WDPCP: variants seen among roughly 807,000 people sequenced by gnomAD.
The protein encoded by WDPCP is WD repeat-containing and planar cell polarity effector protein fritz homolog.
In WDPCP, 71 loss-of-function variants were observed where a neutral mutation model predicts 93.1. That is an observed-to-expected ratio of 0.76 (90% CI 0.63 to 0.93). The LOEUF (loss-of-function observed/expected upper bound fraction) is 0.93. Ranked by LOEUF, WDPCP falls within the 40% of genes least tolerant of loss-of-function variation. WDPCP has a pLI of 0.00. For missense variants in WDPCP, 844 were observed against 887.4 expected (o/e 0.95, Z 0.62); for synonymous variants, 315 against 315.0 (o/e 1.00, Z 0.00).
In WDPCP at chr2:63,433,922, T is replaced by C; in HGVS notation, c.648A>G (p.Glu216=). ...SALDYKIFYY[E]IPGPINKTTE... ...TTGTCTTGTTTATTGGGCCGGGTAT[T>C]TCATAATAGAAAATCTAACAATTTT... Residue 216 remains glutamate (E), a synonymous_variant, in exon 9 of 18, where the codon GAA becomes GAG. Coordinates refer to ENST00000272321, the MANE Select transcript of WDPCP (RefSeq NM_015910.7). The C allele has an allele frequency of 6.2e-7, 1 of 1,613,840 alleles. No homozygotes were observed. Among genetic ancestry groups the C allele is most frequent in the Admixed American group, 1.7e-5 (1 of 59,958 alleles).
chr2:63,128,138 C>CA (rs982303538), intron 17 of WDPCP, among the ~76,000 whole-genome samples: 2 of 151,386 alleles, frequency 1.3e-5, no homozygotes, highest in Admixed American at 6.6e-5. Flanking sequence ...TACTCCACCT[C>CA]AAAAAAAATT....
intron 2 of WDPCP, among the ~76,000 whole-genome samples, chr2:63,701,383 C>G (rs1198864265): frequency 2.0e-5 from 3 of 152,096 alleles, no homozygotes; most frequent in Non-Finnish European, 4.4e-5. Context: ...GAAAGGAGAA[C>G]CTTCATACAC....
At chr2:63,750,054 G>T (rs1197480057) in intron 2 of WDPCP, among the ~76,000 whole-genome samples, 1 of 152,002 alleles carries the variant, frequency 6.6e-6, no homozygotes, top group African/African-American at 2.4e-5. Flanking sequence ...AACAGTGGGA[G>T]AATATATATA....
At chr2:63,553,483 G>C (rs1425599736) in intron 1 of WDPCP, among the ~76,000 whole-genome samples, 1 of 152,004 alleles carries the variant, frequency 6.6e-6, no homozygotes, top group Non-Finnish European at 1.5e-5. Flanking sequence ...GTTTGGAAAT[G>C]ATTTATGCAT....
At chr2:63,706,188 T>C (rs1669148680) in intron 2 of WDPCP, among the ~76,000 whole-genome samples, 1 of 146,840 alleles carries the variant, frequency 6.8e-6, no homozygotes, top group African/African-American at 2.4e-5. Flanking sequence ...AGCCTACGTG[T>C]GTCTCTGCAC....
chr2:63,339,462 C>A (rs916017379), intron 12 of WDPCP, among the ~76,000 whole-genome samples: 1 of 152,142 alleles, frequency 6.6e-6, no homozygotes, highest in African/African-American at 2.4e-5. Context: ...TGTGAGCCAC[C>A]GTGCACAGCC....
At chr2:63,288,620 C>T (rs6724044) in intron 13 of WDPCP, among the ~76,000 whole-genome samples, 122,009 of 152,182 alleles carry the variant, frequency 0.8, 49,778 homozygotes, top group East Asian at 0.96. Context: ...TCTTGAATAC[C>T]TCAGCGTTTC....
At chr2:63,349,778 C>G (rs935528136) in intron 12 of WDPCP, among the ~76,000 whole-genome samples, 25 of 152,262 alleles carry the variant, frequency 1.6e-4, no homozygotes, top group African/African-American at 4.8e-4. Context: ...CTTATAAAAA[C>G]TAATTTACTA....
intron 12 of WDPCP, among the ~76,000 whole-genome samples, chr2:63,322,368 T>A (rs1184643531): frequency 6.7e-6 from 1 of 148,512 alleles, no homozygotes; most frequent in African/African-American, 2.5e-5. Flanking sequence ...TCCCCTTCCA[T>A]GCTGTGGAAG....
intron 1 of WDPCP, among the ~76,000 whole-genome samples, chr2:63,815,204 G>A (rs1670917245): frequency 6.6e-6 from 1 of 151,950 alleles, no homozygotes; most frequent in Non-Finnish European, 1.5e-5. Context: ...GTGTCAACAG[G>A]GACTGAGAAG....
At chr2:63,786,475 A>G (rs1670468180) in intron 2 of WDPCP, among the ~76,000 whole-genome samples, 1 of 152,184 alleles carries the variant, frequency 6.6e-6, no homozygotes, top group Non-Finnish European at 1.5e-5. Flanking sequence ...AGTCCTGGAA[A>G]AATTTTAAGG....
chr2:63,433,227 G>C (rs1401252521), intron 9 of WDPCP, among the ~76,000 whole-genome samples: 1 of 152,066 alleles, frequency 6.6e-6, no homozygotes, highest in Non-Finnish European at 1.5e-5. Flanking sequence ...GGCACGACAG[G>C]GCCTTACACA....
intron 2 of WDPCP, among the ~76,000 whole-genome samples, chr2:63,657,365 C>T (rs1339704666): frequency 6.6e-6 from 1 of 151,848 alleles, no homozygotes; most frequent in Non-Finnish European, 1.5e-5. Context: ...CCACCAAGCC[C>T]GGCTAATTTT....
chr2:63,329,190 G>A (rs1393239002), intron 12 of WDPCP, among the ~76,000 whole-genome samples: 2 of 152,118 alleles, frequency 1.3e-5, no homozygotes, highest in African/African-American at 4.8e-5. Flanking sequence ...ACTAACACAT[G>A]TTGTTCCCCC....
chr2:63,503,975 C>T (rs980189936), intron 1 of WDPCP, among the ~76,000 whole-genome samples: 3 of 151,664 alleles, frequency 2.0e-5, no homozygotes, highest in Non-Finnish European at 2.9e-5. Context: ...TGGAGTGGCC[C>T]GCAGCTATAC....
At chr2:63,331,564 T>C (rs547832537) in intron 12 of WDPCP, among the ~76,000 whole-genome samples, 1 of 152,320 alleles carries the variant, frequency 6.6e-6, no homozygotes, top group Admixed American at 6.5e-5. Flanking sequence ...CTTTAAACAG[T>C]GCAAGGGGTT....
chr2:63,734,915 A>G (rs1301059789), intron 2 of WDPCP, among the ~76,000 whole-genome samples: 3 of 152,080 alleles, frequency 2.0e-5, no homozygotes, highest in Admixed American at 1.3e-4. Context: ...ACAGATAGAT[A>G]GATGATAGAC....
intron 12 of WDPCP, among the ~76,000 whole-genome samples, chr2:63,326,550 C>CAATGAGGG (rs1364936460): frequency 1.0e-5 from 1 of 95,592 alleles, no homozygotes; most frequent in Non-Finnish European, 1.9e-5. Context: ...TAGGGAGAGA[C>CAATGAGGG]AATGAGGGAG....
At chr2:63,628,109 T>C (rs773706232) in intron 3 of WDPCP, among the ~76,000 whole-genome samples, 6 of 152,160 alleles carry the variant, frequency 3.9e-5, no homozygotes, top group Non-Finnish European at 7.3e-5. Context: ...TTGAGAGCTG[T>C]GGGCTGAGAA....
Sources: allele counts gnomAD v4.1 joint callset (sites outside exome capture counted in the v4.1 genomes callset), GRCh38; gene constraint gnomAD v4.1.1; transcripts MANE v1.5; gene names NCBI Gene and HGNC (gene_info 2026-07-23, HGNC 2026-07-21).